The following GNA14 variants were observed in gnomAD, a reference collection of about 807,000 sequenced individuals.
The protein encoded by GNA14 is guanine nucleotide-binding protein subunit alpha-14.
A neutral mutation model predicts 42.0 loss-of-function variants in GNA14; 50 were observed. The observed-to-expected ratio is 1.19, with a 90% CI of 0.95 to 1.51. The LOEUF (loss-of-function observed/expected upper bound fraction) is 1.51. GNA14 is among the 40% of genes most tolerant of loss of function. GNA14 has a pLI of 0.00. For synonymous variants in GNA14, 173 were observed against 163.1 expected (o/e 1.06, Z -0.46); for missense variants, 473 against 446.2 (o/e 1.06, Z -0.54).
At chr9:77,468,393 T>G (rs1011496890) in intron 2 of GNA14, among the ~76,000 whole-genome samples, 4 of 152,242 alleles carry the variant, frequency 2.6e-5, no homozygotes, top group African/African-American at 4.8e-5. Flanking sequence ...ACTGCCATTC[T>G]GAAGGTCTGA....
intron 2 of GNA14, among the ~76,000 whole-genome samples, chr9:77,471,467 A>C (rs1836328964): frequency 6.6e-6 from 1 of 152,174 alleles, no homozygotes; most frequent in Admixed American, 6.6e-5. Context: ...GACCCATTAA[A>C]GACTGGATAA....
At chr9:77,622,937 G>A (rs1227223995) in intron 1 of GNA14, among the ~76,000 whole-genome samples, 1 of 141,662 alleles carries the variant, frequency 7.1e-6, no homozygotes, top group East Asian at 2.2e-4. Context: ...TTTCAGGTGG[G>A]GCACAGGTGG....
chr9:77,485,782 A>G (rs1031680588), intron 2 of GNA14, among the ~76,000 whole-genome samples: 1 of 152,196 alleles, frequency 6.6e-6, no homozygotes, highest in Non-Finnish European at 1.5e-5. Context: ...GAGTAGTAAT[A>G]TTTTGAAAGG....
At chr9:77,566,031 C>T (rs1721082390) in intron 1 of GNA14, among the ~76,000 whole-genome samples, 1 of 152,012 alleles carries the variant, frequency 6.6e-6, no homozygotes, top group Non-Finnish European at 1.5e-5. Flanking sequence ...TCTGGCAATG[C>T]ACAGGACAGT....
intron 1 of GNA14, among the ~76,000 whole-genome samples, chr9:77,576,879 T>C (rs918224418): frequency 6.6e-6 from 1 of 152,084 alleles, no homozygotes; most frequent in Non-Finnish European, 1.5e-5. Flanking sequence ...ACATACGACA[T>C]TATGAAAATA....
intron 2 of GNA14, among the ~76,000 whole-genome samples, chr9:77,466,978 G>GT (rs376825425): frequency 8.7e-5 from 13 of 148,848 alleles, no homozygotes; most frequent in African/African-American, 2.5e-4. Context: ...GCCAGTTAGG[G>GT]TTTTTTTGCC....
intron 1 of GNA14, among the ~76,000 whole-genome samples, chr9:77,646,374 A>C (rs867208476): frequency 6.6e-6 from 1 of 152,024 alleles, no homozygotes; most frequent in African/African-American, 2.4e-5. Flanking sequence ...AGGGGGCAGC[A>C]TGGTCTCTGG....
intron 2 of GNA14, among the ~76,000 whole-genome samples, chr9:77,525,921 A>C (rs560826839): frequency 2.6e-5 from 4 of 151,204 alleles, no homozygotes; most frequent in African/African-American, 4.9e-5. Flanking sequence ...AAAAAAAAAA[A>C]AAACGGAGTT....
intron 1 of GNA14, among the ~76,000 whole-genome samples, chr9:77,644,367 T>C (rs1447143373): frequency 7.0e-6 from 1 of 143,368 alleles, no homozygotes. Context: ...GGTGGGAGGA[T>C]GCTTGAGCCC....
intron 1 of GNA14, among the ~76,000 whole-genome samples, chr9:77,560,828 C>A (rs989680213): frequency 6.6e-6 from 1 of 151,984 alleles, no homozygotes; most frequent in Non-Finnish European, 1.5e-5. Flanking sequence ...TTTTCTATTT[C>A]CTCCAAGTTA....
At chr9:77,574,258 C>T (rs1367337098) in intron 1 of GNA14, among the ~76,000 whole-genome samples, 3 of 152,196 alleles carry the variant, frequency 2.0e-5, no homozygotes, top group African/African-American at 7.2e-5. Flanking sequence ...GACAATCAAG[C>T]TGCACCTTGA....
At chr9:77,612,776 G>A (rs1381034149) in intron 1 of GNA14, among the ~76,000 whole-genome samples, 1 of 152,016 alleles carries the variant, frequency 6.6e-6, no homozygotes, top group Admixed American at 6.6e-5. Context: ...CAGTATGGAG[G>A]TTTCTCAAAA....
chr9:77,612,600 C>T (rs924371369), intron 1 of GNA14, among the ~76,000 whole-genome samples: 1 of 151,358 alleles, frequency 6.6e-6, no homozygotes, highest in Non-Finnish European at 1.5e-5. Flanking sequence ...CACTAATCAT[C>T]AAAAGAATGC....
chr9:77,472,354 A>G (rs1372527888), intron 2 of GNA14, among the ~76,000 whole-genome samples: 1 of 152,176 alleles, frequency 6.6e-6, no homozygotes, highest in Non-Finnish European at 1.5e-5. Flanking sequence ...CATGGACTCA[A>G]TGATATGATG....
At chr9:77,570,486 A>G (rs1339439268) in intron 1 of GNA14, among the ~76,000 whole-genome samples, 1 of 152,154 alleles carries the variant, frequency 6.6e-6, no homozygotes, top group Non-Finnish European at 1.5e-5. Flanking sequence ...GAATCATGCA[A>G]TATATGTGTT....
chr9:77,492,729 C>T (rs1168359052), intron 2 of GNA14, among the ~76,000 whole-genome samples: 2 of 152,000 alleles, frequency 1.3e-5, no homozygotes, highest in Non-Finnish European at 2.9e-5. Context: ...GGGCCAGGCA[C>T]TGTGGCTCAC....
chr9:77,513,494 A>C (rs890930745), intron 2 of GNA14, among the ~76,000 whole-genome samples: 4 of 152,190 alleles, frequency 2.6e-5, no homozygotes, highest in African/African-American at 7.2e-5. Flanking sequence ...ATGGATTCAC[A>C]CTCATTTTAG....
intron 1 of GNA14, among the ~76,000 whole-genome samples, chr9:77,641,810 A>C (rs1824271686): frequency 6.6e-6 from 1 of 152,144 alleles, no homozygotes; most frequent in Admixed American, 6.6e-5. Context: ...CATCAAAGTG[A>C]AATGTACAGA....
At chr9:77,529,834 T>C (rs181837022) in intron 1 of GNA14, among the ~76,000 whole-genome samples, 2 of 152,280 alleles carry the variant, frequency 1.3e-5, no homozygotes, top group East Asian at 1.9e-4. Flanking sequence ...GCCATCCCTA[T>C]TGTTCTTAAA....
Sources: gnomAD v4.1 joint callset for allele counts (sites outside exome capture counted in the v4.1 genomes callset) on GRCh38, gnomAD v4.1.1 for gene constraint, MANE v1.5 for transcripts, NCBI Gene and HGNC (gene_info 2026-07-23, HGNC 2026-07-21) for gene names.